Variants in MCF2L2 observed in about 807,000 individuals in gnomAD.
MCF2L2 encodes MCF.2 cell line derived transforming sequence-like 2.
In MCF2L2, 102 loss-of-function variants were observed where a neutral mutation model predicts 150.2. The observed-to-expected ratio is 0.68, with a 90% CI of 0.58 to 0.80. MCF2L2 has a LOEUF of 0.80. Among genes scored for constraint, MCF2L2 ranks in the 30% least tolerant of loss-of-function variants. The pLI is 0.00. For synonymous variants in MCF2L2, 465 were observed against 491.3 expected (o/e 0.95, Z 0.71); for missense variants, 1,256 against 1,372.8 (o/e 0.91, Z 1.34).
At chr3:183,239,690 T>C (rs1312288254) in intron 15 of MCF2L2, among the ~76,000 whole-genome samples, 1 of 151,678 alleles carries the variant, frequency 6.6e-6, no homozygotes, top group South Asian at 2.1e-4. Flanking sequence ...GAGTTTTCAC[T>C]TACTCCTGCT....
Position 183,420,492 on chromosome 3 carries a change from G to A in MCF2L2, c.76+7410C>T, listed in dbSNP as rs576712213. On this transcript the variant is annotated intron_variant, in intron 1 of 29. Coordinates refer to ENST00000328913, the MANE Select transcript of MCF2L2 (RefSeq NM_015078.4). ...GGTCACCTGTAATCCCAGCTAATTG[G>A]GAGGCTGAGGCAGAAGAATCACTTG... 2.0e-5 allele frequency among the ~76,000 whole-genome samples: 3 copies of A among 152,272 alleles called. No homozygotes were observed. The South Asian group carries it at 6.2e-4, about 32-fold the overall frequency.
chr3:183,397,472 C>G (rs1246116811), intron 1 of MCF2L2, among the ~76,000 whole-genome samples: 1 of 152,216 alleles, frequency 6.6e-6, no homozygotes, highest in African/African-American at 2.4e-5. Flanking sequence ...TCCTCATGAC[C>G]TGTCCACCTC....
chr3:183,391,992 G>C (rs1714182454), intron 1 of MCF2L2, among the ~76,000 whole-genome samples: 1 of 152,076 alleles, frequency 6.6e-6, no homozygotes, highest in Non-Finnish European at 1.5e-5. Context: ...TGCTCAAGCA[G>C]TCCTCCTGCC....
At chr3:183,414,046 T>G (rs1019215328) in intron 1 of MCF2L2, among the ~76,000 whole-genome samples, 22 of 152,202 alleles carry the variant, frequency 1.4e-4, no homozygotes, top group Admixed American at 3.9e-4. Context: ...GCTTTCCTGT[T>G]GCATTTTTCT....
intron 13 of MCF2L2, among the ~76,000 whole-genome samples, chr3:183,291,242 T>C (rs1728125481): frequency 6.6e-6 from 1 of 151,958 alleles, no homozygotes; most frequent in Admixed American, 6.6e-5. Flanking sequence ...GTAAGTAGAG[T>C]GAAGCAGTGA....
chr3:183,307,488 G>T (rs1391500175), intron 10 of MCF2L2, among the ~76,000 whole-genome samples: 3 of 152,218 alleles, frequency 2.0e-5, no homozygotes, highest in Non-Finnish European at 4.4e-5. Flanking sequence ...GATGTGACAG[G>T]TCTGCAAATC....
chr3:183,193,071 G>C lies in MCF2L2; in HGVS notation c.2944C>G (p.Pro982Ala). Residue 982 changes from proline (P) to alanine (A), a missense_variant, in exon 27 of 30, where the codon CCA becomes GCA. Coordinates refer to ENST00000328913, the MANE Select transcript of MCF2L2 (RefSeq NM_015078.4). ...GCTCTTTCCATATTTTTAATCCATG[G>C]TCCGGATCCTGCTCCACTGCCTTTG... ...TSKGSGAGSGPWIKNMERATT... is the reference protein window; with the variant it reads ...TSKGSGAGSGAWIKNMERATT... 6.2e-7 allele frequency: 1 copy of C among 1,613,934 alleles called. No individual in the cohort carries two copies. Among genetic ancestry groups the C allele is most frequent in the Non-Finnish European group, 8.5e-7 (1 of 1,179,936 alleles).
At chr3:183,233,507 A>G (rs1328178776) in intron 15 of MCF2L2, among the ~76,000 whole-genome samples, 2 of 152,168 alleles carry the variant, frequency 1.3e-5, no homozygotes, top group African/African-American at 4.8e-5. Context: ...CTGATATGAC[A>G]GAGGCCAGGT....
intron 1 of MCF2L2, among the ~76,000 whole-genome samples, chr3:183,398,785 G>T (rs1714595362): frequency 1.3e-5 from 2 of 152,062 alleles, no homozygotes; most frequent in African/African-American, 4.8e-5. Context: ...ATGTCAGAAA[G>T]GTCTTTTAGA....
At chr3:183,180,312 G>A in intron 27 of MCF2L2, 153 bp from the exon 28 acceptor site, 1 of 599,232 alleles carries the variant, frequency 1.7e-6, no homozygotes, top group Non-Finnish European at 3.0e-6. Context: ...GCTGGGCTGT[G>A]AGGGGGTCTG....
chr3:183,256,065 T>C (rs1725018311), intron 15 of MCF2L2, among the ~76,000 whole-genome samples: 1 of 152,198 alleles, frequency 6.6e-6, no homozygotes, highest in Non-Finnish European at 1.5e-5. Context: ...CTTCTCAGAG[T>C]AACAAAATGT....
chr3:183,351,226 A>C lies in MCF2L2; in HGVS notation c.276-9596T>G, dbSNP rs368651708. On this transcript the variant is annotated intron_variant, in intron 3 of 29. Coordinates refer to ENST00000328913, the MANE Select transcript of MCF2L2 (RefSeq NM_015078.4). Reference sequence around the variant, plus strand: ...TATATATATATATATATATATATATATATATATATATTTATTTATTTATTT... The same window carrying C: ...TATATATATATATATATATATATATCTATATATATATTTATTTATTTATTT... 6.9e-3 allele frequency among the ~76,000 whole-genome samples: 620 copies of C among 89,776 alleles called. 10 individuals are homozygous for C. The highest frequency in any genetic ancestry group is 0.011 in the Non-Finnish European group (541 of 50,508). 58.9% of individuals were successfully genotyped at this position (89,776 alleles called of 152,430 possible).
intron 14 of MCF2L2, among the ~76,000 whole-genome samples, chr3:183,279,642 G>A (rs546908495): frequency 2.7e-4 from 41 of 152,290 alleles, no homozygotes; most frequent in Admixed American, 1.7e-3. Flanking sequence ...CAATCAGGCG[G>A]AACAGCCCCT....
intron 1 of MCF2L2, among the ~76,000 whole-genome samples, chr3:183,424,526 G>T (rs1418010411): frequency 6.6e-6 from 1 of 152,178 alleles, no homozygotes; most frequent in Non-Finnish European, 1.5e-5. Flanking sequence ...CTTAGAGTGA[G>T]GCCCTGTGTT....
At chr3:183,277,610 GT>G (rs1727235134) in intron 14 of MCF2L2, among the ~76,000 whole-genome samples, 1 of 151,540 alleles carries the variant, frequency 6.6e-6, no homozygotes. Flanking sequence ...TGGGATACTA[GT>G]TTTGCCAATT....
At position 183,270,391 on chromosome 3, in the gene MCF2L2, T is replaced by G; in HGVS notation, c.1862+6481A>C. Reference sequence around the variant, plus strand: ...ATGACTGCTGATGATGACATATTTATTCACATGCCAAATCTGATTGAGTAC... The same window carrying G: ...ATGACTGCTGATGATGACATATTTAGTCACATGCCAAATCTGATTGAGTAC... On this transcript the variant is annotated intron_variant, in intron 15 of 29. Transcript: ENST00000328913. This position sits in a 1 kb window ranked among gnomAD's most constrained non-coding sequence, Gnocchi z 4.5. 1 of 1,614,224 alleles carries G rather than the reference T, an allele frequency of 6.2e-7. No individual in the cohort carries two copies. Among genetic ancestry groups the G allele is most frequent in the Non-Finnish European group, 8.5e-7 (1 of 1,180,036 alleles).
rs545960660 is a variant in MCF2L2, at chr3:183,325,433, G to C, written c.487-2082C>G. ...TCCTCCACTTCTGAAAATGGTTTGG[G>C]GCTTTTAAAATGTATCTTTATAATA... On this transcript the variant is annotated intron_variant, in intron 5 of 29. Transcript: ENST00000328913. Among the ~76,000 whole-genome samples the C allele has an allele frequency of 7.2e-5, 11 of 152,018 alleles. No individual in the cohort carries two copies. The South Asian group carries it at 2.1e-3, about 29-fold the overall frequency.
At chr3:183,365,226 T>C (rs1325057124) in intron 3 of MCF2L2, among the ~76,000 whole-genome samples, 1 of 152,214 alleles carries the variant, frequency 6.6e-6, no homozygotes, top group Non-Finnish European at 1.5e-5. Context: ...TTCTTTTTGA[T>C]AGGATGATTT....
At chr3:183,232,695 G>A (rs1433632315) in intron 15 of MCF2L2, among the ~76,000 whole-genome samples, 1 of 152,154 alleles carries the variant, frequency 6.6e-6, no homozygotes, top group East Asian at 1.9e-4. Context: ...CACAAAATAG[G>A]AGATTCACAC....
Sources: gnomAD v4.1 joint callset for allele counts (sites outside exome capture counted in the v4.1 genomes callset) on GRCh38, gnomAD v4.1.1 for gene constraint, Gnocchi (gnomAD v3.1) non-coding constraint, MANE v1.5 for transcripts, NCBI Gene and HGNC (gene_info 2026-07-23, HGNC 2026-07-21) for gene names.